SLC44A5: variants seen among roughly 807,000 people sequenced by gnomAD.
The protein encoded by SLC44A5 is choline transporter-like protein 5.
In SLC44A5, 57 loss-of-function variants were observed where a neutral mutation model predicts 101.8. The ratio of observed to expected loss-of-function variants is 0.56; its 90% confidence interval spans 0.45 to 0.70. The LOEUF (loss-of-function observed/expected upper bound fraction) is 0.70, where lower values mean the gene tolerates loss of function less well. Ranked by LOEUF, SLC44A5 falls within the 30% of genes least tolerant of loss-of-function variation. SLC44A5 has a pLI of 0.00. For synonymous variants in SLC44A5, 281 were observed against 290.9 expected (o/e 0.97, Z 0.35); for missense variants, 737 against 853.1 (o/e 0.86, Z 1.70).
chr1:75,270,695 T>G (rs1424328691), intron 6 of SLC44A5, among the ~76,000 whole-genome samples: 3 of 152,144 alleles, frequency 2.0e-5, no homozygotes, highest in Non-Finnish European at 4.4e-5. Context: ...TTTCAGTGGT[T>G]CCATTCTATT....
intron 11 of SLC44A5, among the ~76,000 whole-genome samples, chr1:75,236,467 A>G (rs1483826571): frequency 6.6e-6 from 1 of 152,002 alleles, no homozygotes; most frequent in South Asian, 2.1e-4. Flanking sequence ...ATCTATACAT[A>G]TATATTTATG....
intron 2 of SLC44A5, among the ~76,000 whole-genome samples, chr1:75,486,823 C>A (rs1668177113): frequency 6.6e-6 from 1 of 152,166 alleles, no homozygotes; most frequent in Non-Finnish European, 1.5e-5. Context: ...TCTTTCTGTT[C>A]TGAATCCTAC....
At chr1:75,498,906 T>C (rs536358970) in intron 2 of SLC44A5, among the ~76,000 whole-genome samples, 95 of 152,324 alleles carry the variant, frequency 6.2e-4, no homozygotes, top group Non-Finnish European at 1.1e-3. Context: ...GTTTTGTCTA[T>C]AGTCATATGC....
upstream of SLC44A5, among the ~76,000 whole-genome samples, chr1:75,611,841 TCTC>T (rs1447490927): frequency 1.9e-4 from 29 of 151,942 alleles, no homozygotes; most frequent in Non-Finnish European, 1.5e-4. Flanking sequence ...ACATCACTCT[TCTC>T]CTTCTGTGGA....
In SLC44A5 at chr1:75,250,726, C is replaced by T. The variant is rs374783312; in HGVS notation, c.345+484G>A. Among the ~76,000 whole-genome samples, 9 of 152,278 alleles carry T rather than the reference C, an allele frequency of 5.9e-5. 1 individual carries two copies. The highest frequency in any genetic ancestry group is 2.2e-4 in the African/African-American group (9 of 41,552). On this transcript the variant is annotated intron_variant, in intron 7 of 23. Coordinates refer to ENST00000370859, the MANE Select transcript of SLC44A5 (RefSeq NM_001130058.2). ...CATATGATGGGGAGGATTTAAGGAA[C>T]AGCAGAGCCACCCTTAAGTGCTTAA... is the stretch of plus-strand genomic sequence containing the variant.
chr1:75,709,215 T>C, the SLC44A5 span, among the ~76,000 whole-genome samples: 1 of 152,232 alleles, frequency 6.6e-6, no homozygotes, highest in African/African-American at 2.4e-5. Context: ...TAACCAAATG[T>C]ATGCAAGTCC....
intron 2 of SLC44A5, among the ~76,000 whole-genome samples, chr1:75,536,699 C>G (rs1376990165): frequency 1.4e-5 from 2 of 147,946 alleles, no homozygotes; most frequent in Non-Finnish European, 3.0e-5. Flanking sequence ...CTCCCATTTT[C>G]TTTTTACTAG....
intron 4 of SLC44A5, among the ~76,000 whole-genome samples, chr1:75,312,740 C>T (rs2100921580): frequency 6.6e-6 from 1 of 151,600 alleles, no homozygotes; most frequent in East Asian, 1.9e-4. Flanking sequence ...AACAGCACAA[C>T]AGGTGGTTGG....
At chr1:75,615,264 G>A (rs1675818999), upstream of SLC44A5, among the ~76,000 whole-genome samples, 1 of 152,024 alleles carries the variant, frequency 6.6e-6, no homozygotes, top group Admixed American at 6.5e-5. Context: ...TTGACCGCAG[G>A]GAAAAGGAGA....
chr1:75,370,919 T>C (rs1354873376), intron 3 of SLC44A5, among the ~76,000 whole-genome samples: 1 of 152,236 alleles, frequency 6.6e-6, no homozygotes, highest in East Asian at 1.9e-4. Context: ...TCAGTTTTAC[T>C]GGTTGCATGA....
intron 2 of SLC44A5, among the ~76,000 whole-genome samples, chr1:75,528,539 C>T (rs1050353712): frequency 4.6e-5 from 7 of 152,126 alleles, no homozygotes; most frequent in Admixed American, 4.6e-4. Flanking sequence ...AGGCAAACAT[C>T]TTCTTCTATG....
chr1:75,609,234 T>G (rs1675509061), intron 1 of SLC44A5, among the ~76,000 whole-genome samples: 1 of 151,908 alleles, frequency 6.6e-6, no homozygotes, highest in Non-Finnish European at 1.5e-5. Context: ...AGGGATTCTT[T>G]GGTAAGGAGG....
At chr1:75,219,392 T>C in intron 15 of SLC44A5, 48 bp from the exon 16 acceptor site, 1 of 1,276,098 alleles carries the variant, frequency 7.8e-7, no homozygotes, top group Non-Finnish European at 1.1e-6. Context: ...AGATTGAAAA[T>C]AAATGGACAA....
chr1:75,441,284 T>C (rs1015497471), intron 2 of SLC44A5, among the ~76,000 whole-genome samples: 1 of 152,268 alleles, frequency 6.6e-6, no homozygotes, highest in Admixed American at 6.6e-5. Flanking sequence ...TTATGCAACA[T>C]ATTCAGCATT....
At chr1:75,206,578 A>T (rs769436699) in intron 23 of SLC44A5, 1 of 1,380,490 alleles carries the variant, frequency 7.2e-7, no homozygotes, top group Non-Finnish European at 1.0e-6. Context: ...ACTTCTACTT[A>T]AAAATGAGTG....
chr1:75,383,494 G>A (rs1447979271), intron 3 of SLC44A5, among the ~76,000 whole-genome samples: 1 of 152,132 alleles, frequency 6.6e-6, no homozygotes, highest in African/African-American at 2.4e-5. Flanking sequence ...AGCGAGAAGG[G>A]AAGTTTAGAG....
intron 1 of SLC44A5, among the ~76,000 whole-genome samples, chr1:75,596,145 C>T (rs933157126): frequency 6.6e-6 from 1 of 152,006 alleles, no homozygotes; most frequent in African/African-American, 2.4e-5. Flanking sequence ...AACCTTTAGG[C>T]TCAGATGATA....
intron 5 of SLC44A5, among the ~76,000 whole-genome samples, chr1:75,282,430 T>C (rs909692061): frequency 2.0e-5 from 3 of 152,204 alleles, no homozygotes; most frequent in African/African-American, 7.2e-5. Context: ...CTTGGACTTT[T>C]GGGTTAATGA....
intron 2 of SLC44A5, among the ~76,000 whole-genome samples, chr1:75,452,872 G>A (rs1376023319): frequency 2.0e-5 from 3 of 152,062 alleles, no homozygotes; most frequent in Non-Finnish European, 4.4e-5. Flanking sequence ...CCCAAGATTG[G>A]AGCACACAGA....
Sources: gnomAD v4.1 joint callset for allele counts (sites outside exome capture counted in the v4.1 genomes callset) on GRCh38, gnomAD v4.1.1 for gene constraint, MANE v1.5 for transcripts, NCBI Gene and HGNC (gene_info 2026-07-23, HGNC 2026-07-21) for gene names.